PNPLA7: variants seen among roughly 807,000 people sequenced by gnomAD.
PNPLA7 encodes patatin like domain 7, lysophospholipase.
In PNPLA7, 153 loss-of-function variants were observed where a neutral mutation model predicts 161.7. The observed-to-expected ratio is 0.95, with a 90% CI of 0.83 to 1.08. The LOEUF is 1.08. Ranked by LOEUF, PNPLA7 falls within the 50% of genes least tolerant of loss-of-function variation. PNPLA7 has a pLI of 0.00. For missense variants in PNPLA7, 1,739 were observed against 1,856.6 expected (o/e 0.94, Z 1.16); for synonymous variants, 809 against 782.1 (o/e 1.03, Z -0.57).
chr9:137,486,338 G>A lies in PNPLA7; in HGVS notation c.2198-1602C>T, dbSNP rs1832483227. Reference sequence around the variant, plus strand: ...GGCGCCGTGGCAGCACTGCGGGTAAGAGCCTGTGAACGGGGAACATGGCTC... The same window carrying A: ...GGCGCCGTGGCAGCACTGCGGGTAAAAGCCTGTGAACGGGGAACATGGCTC... On this transcript the variant is annotated intron_variant, in intron 20 of 34. Transcript: ENST00000406427. The surrounding 1 kb of genome is among the most constrained non-coding windows in gnomAD (Gnocchi z 6.0). 6.6e-6 allele frequency among the ~76,000 whole-genome samples: 1 copy of A among 152,194 alleles called. No homozygotes were observed. The highest frequency in any genetic ancestry group is 1.5e-5 in the Non-Finnish European group (1 of 68,032).
chr9:137,470,858 TAG>T (rs1194930265), intron 25 of PNPLA7, among the ~76,000 whole-genome samples: 1 of 152,238 alleles, frequency 6.6e-6, no homozygotes, highest in Non-Finnish European at 1.5e-5. Flanking sequence ...ATCATCTCGA[TAG>T]AGTCACAAAA....
chr9:137,535,114 C>G (rs1252869388), intron 8 of PNPLA7, among the ~76,000 whole-genome samples: 2 of 151,980 alleles, frequency 1.3e-5, no homozygotes, highest in Non-Finnish European at 2.9e-5. Flanking sequence ...GCTGGCCAGC[C>G]TCTGTCCTCA....
Position 137,493,013 on chromosome 9 carries a change from CTGT to C in PNPLA7, c.2194_2196del (p.Thr732del). ...CTCTGGGTTGGGAGAGGTGACCCAC[CTGT>C]CACAGGTCCCTGCTGGAGGCTGCCC... is the stretch of plus-strand genomic sequence containing the variant. On this transcript the variant is annotated inframe_deletion and splice_region_variant, in exon 20 of 35. Coordinates refer to ENST00000406427, the MANE Select transcript of PNPLA7 (RefSeq NM_001098537.3). 1 of 1,613,388 alleles carries C rather than the reference CTGT, an allele frequency of 6.2e-7. No homozygotes were observed. The highest frequency in any genetic ancestry group is 1.3e-5 in the African/African-American group (1 of 75,016).
intron 11 of PNPLA7, 68 bp from the exon 12 acceptor site, chr9:137,515,587 G>A: frequency 1.4e-6 from 2 of 1,456,194 alleles, no homozygotes; most frequent in African/African-American, 1.4e-5. Flanking sequence ...CAGCCCATTC[G>A]GGGCCACGCA....
At chr9:137,470,162 G>A (rs1230071442) in intron 25 of PNPLA7, among the ~76,000 whole-genome samples, 2 of 151,868 alleles carry the variant, frequency 1.3e-5, no homozygotes, top group East Asian at 1.9e-4. Flanking sequence ...AAGTAGCTAC[G>A]ACCATATCAC....
At chr9:137,544,938 G>A (rs968807155) in intron 4 of PNPLA7, among the ~76,000 whole-genome samples, 11 of 152,180 alleles carry the variant, frequency 7.2e-5, no homozygotes, top group African/African-American at 2.4e-4. Flanking sequence ...GTGAGCCACC[G>A]TGCCCGGCCG....
rs1330701892 is a variant in PNPLA7, at chr9:137,543,307, A to G, written c.506+125T>C. 18 of 1,217,798 alleles carry G rather than the reference A, an allele frequency of 1.5e-5. No individual in the cohort carries two copies. Among genetic ancestry groups the G allele is most frequent in the Non-Finnish European group, 1.6e-5 (14 of 850,368 alleles). 75.4% of individuals were successfully genotyped at this position (1,217,798 alleles called of 1,614,324 possible). A position where few individuals can be genotyped will look rare whatever the true frequency, so the allele number is the denominator to read the frequency against. ...CCCGCCACGGGGCACAGACACCAGC[A>G]GCCCCACGATGCGCTTTGCCAACCA... On this transcript the variant is annotated intron_variant, in intron 6 of 34. Transcript: ENST00000406427. The surrounding 1 kb of genome is among the most constrained non-coding windows in gnomAD (Gnocchi z 6.9).
rs1256478091 is a variant in PNPLA7, at chr9:137,486,352, G to A, written c.2198-1616C>T. Among the ~76,000 whole-genome samples the A allele has an allele frequency of 6.6e-6, 1 of 152,174 alleles. No homozygotes were observed. Among genetic ancestry groups the A allele is most frequent in the Admixed American group, 6.5e-5 (1 of 15,278 alleles). On this transcript the variant is annotated intron_variant, in intron 20 of 34. Transcript: ENST00000406427. The surrounding 1 kb of genome is among the most constrained non-coding windows in gnomAD (Gnocchi z 6.0). Reference sequence around the variant, plus strand: ...ACTGCGGGTAAGAGCCTGTGAACGGGGAACATGGCTCGGAGAACCAGCGCA... The same window carrying A: ...ACTGCGGGTAAGAGCCTGTGAACGGAGAACATGGCTCGGAGAACCAGCGCA...
Position 137,484,619 on chromosome 9 carries a change from G to A in PNPLA7, c.2315C>T (p.Ala772Val). 4 of 1,611,946 alleles carry A rather than the reference G, an allele frequency of 2.5e-6. No individual in the cohort carries two copies. Among genetic ancestry groups the A allele is most frequent in the South Asian group, 1.1e-5 (1 of 90,720 alleles). ...VSEEVPLTAF[A>V]LELEHALSAI... ...GCTGAGGGCATGCTCCAGCTCCAGG[G>A]CGAAGGCGGTGAGGGGCACTTCCTC... is the stretch of plus-strand genomic sequence containing the variant. Residue 772 changes from alanine to valine, a missense_variant, in exon 21 of 35, where the codon GCC becomes GTC. By Grantham distance (64) the Ala-to-Val change is moderately conservative. This residue lies in a region of PNPLA7 where 192 missense variants were observed against 249.5 expected (regional missense o/e 0.77). Transcript: ENST00000406427.
chr9:137,549,310 G>A (rs1327617662), intron 1 of PNPLA7, among the ~76,000 whole-genome samples: 1 of 152,120 alleles, frequency 6.6e-6, no homozygotes, highest in East Asian at 1.9e-4. Flanking sequence ...GCTCATGCCT[G>A]TAATCCCTGC....
In PNPLA7 at chr9:137,523,074, G is replaced by A. The variant is rs183485514; in HGVS notation, c.748-217C>T. Among the ~76,000 whole-genome samples the A allele has an allele frequency of 7.2e-5, 11 of 152,308 alleles. No homozygotes were observed. Among genetic ancestry groups the A allele is most frequent in the African/African-American group, 2.6e-4 (11 of 41,574 alleles). On this transcript the variant is annotated intron_variant, in intron 8 of 34. Transcript: ENST00000406427. This position sits in a 1 kb window ranked among gnomAD's most constrained non-coding sequence, Gnocchi z 4.4. Reference sequence around the variant, plus strand: ...CATGTGCGGCGAAGGACTGGCTGACGATGAAATGTGGGTGAGGGGAGGCCC... The same window carrying A: ...CATGTGCGGCGAAGGACTGGCTGACAATGAAATGTGGGTGAGGGGAGGCCC...
chr9:137,485,968 G>A (rs1832460546), intron 20 of PNPLA7, among the ~76,000 whole-genome samples: 1 of 152,026 alleles, frequency 6.6e-6, no homozygotes, highest in African/African-American at 2.4e-5. Flanking sequence ...AAGAGGTTGA[G>A]GGGACGGCCT....
Position 137,522,938 on chromosome 9 carries a change from G to C in PNPLA7, c.748-81C>G, listed in dbSNP as rs1835104801. 6.3e-6 allele frequency: 10 copies of C among 1,576,078 alleles called. No individual in the cohort carries two copies. The African/African-American group carries it at 8.1e-5, about 13-fold the overall frequency. ...AATGCCAAGGCTCCTGGAAGCCCTG[G>C]AGGAGGCCCCGCCTGCTGCCCAGTC... On this transcript the variant is annotated intron_variant, in intron 8 of 34. Transcript: ENST00000406427.
chr9:137,512,114 C>T (rs555383465), intron 12 of PNPLA7, among the ~76,000 whole-genome samples: 3 of 152,356 alleles, frequency 2.0e-5, no homozygotes, highest in South Asian at 4.1e-4. Flanking sequence ...TATTTTACTA[C>T]AATCTCTCGT....
At chr9:137,515,307 CAG>C in intron 12 of PNPLA7, 70 bp downstream of exon 12, 1 of 1,543,518 alleles carries the variant, frequency 6.5e-7, no homozygotes, top group Non-Finnish European at 8.8e-7. Context: ...GGCATCAGTG[CAG>C]CTCAGCCTGG....
Position 137,484,635 on chromosome 9 carries a change from G to A in PNPLA7, c.2299C>T (p.Pro767Ser). 3 of 1,612,424 alleles carry A rather than the reference G, an allele frequency of 1.9e-6. No homozygotes were observed. The highest frequency in any genetic ancestry group is 2.5e-6 in the Non-Finnish European group (3 of 1,179,344). Reference protein sequence around the residue: ...VAVMPVSEEVPLTAFALELEH... With the variant: ...VAVMPVSEEVSLTAFALELEH... ...AGCTCCAGGGCGAAGGCGGTGAGGG[G>A]CACTTCCTCTGACACGGGCATCACT... The change falls in exon 21 of 35, where the codon CCC becomes TCC. Residue 767 changes from proline to serine, a missense_variant. Coordinates refer to ENST00000406427, the MANE Select transcript of PNPLA7 (RefSeq NM_001098537.3).
chr9:137,473,099 G>A (rs1231413702), intron 25 of PNPLA7, among the ~76,000 whole-genome samples: 4 of 152,188 alleles, frequency 2.6e-5, no homozygotes, highest in African/African-American at 9.7e-5. Flanking sequence ...GCTGCCCTTT[G>A]TAAAACCATC....
chr9:137,471,236 A>G (rs1242755734), intron 25 of PNPLA7, among the ~76,000 whole-genome samples: 2 of 152,272 alleles, frequency 1.3e-5, no homozygotes, highest in East Asian at 1.9e-4. Context: ...TGTAAGATAT[A>G]AGATCAATTT....
rs1360719914 is a variant in PNPLA7 at position 137,486,778 on chromosome 9, C to T, written c.2198-2042G>A. Among the ~76,000 whole-genome samples, 1 of 151,896 alleles carries T rather than the reference C, an allele frequency of 6.6e-6. No homozygotes were observed. Among genetic ancestry groups the T allele is most frequent in the Non-Finnish European group, 1.5e-5 (1 of 68,026 alleles). Reference sequence around the variant, plus strand: ...CAGTGGCCGGAGCTGGCCTTCGACGCCCAAGTCTGCCCGGAGCCTTTTTTG... The same window carrying T: ...CAGTGGCCGGAGCTGGCCTTCGACGTCCAAGTCTGCCCGGAGCCTTTTTTG... On this transcript the variant is annotated intron_variant, in intron 20 of 34. Transcript: ENST00000406427. This position sits in a 1 kb window ranked among gnomAD's most constrained non-coding sequence, Gnocchi z 6.0.
Sources: gnomAD v4.1 joint callset for allele counts (sites outside exome capture counted in the v4.1 genomes callset) on GRCh38, gnomAD v4.1.1 for gene constraint, gnomAD v4.1.1 regional missense constraint, Gnocchi (gnomAD v3.1) non-coding constraint, MANE v1.5 for transcripts, NCBI Gene and HGNC (gene_info 2026-07-23, HGNC 2026-07-21) for gene names.